The following SMARCA2 variants were observed in gnomAD, a reference collection of about 807,000 sequenced individuals.
The protein encoded by SMARCA2 is SWI/SNF-related matrix-associated actin-dependent regulator of chromatin subfamily A member 2.
SMARCA2 carries 61 observed loss-of-function variants against 199.8 expected under a neutral mutation model. The observed-to-expected ratio is 0.31, with a 90% confidence interval of 0.25 to 0.38. The LOEUF (loss-of-function observed/expected upper bound fraction) is 0.38. Among genes scored for constraint, SMARCA2 ranks in the 10% least tolerant of loss-of-function variants. The probability of loss-of-function intolerance (pLI) is 1.00; values close to 1 mark genes in which losing one functional copy is unlikely to be tolerated. For synonymous variants in SMARCA2, 935 were observed against 732.0 expected (o/e 1.28, Z -4.48); for missense variants, 1,344 against 2,012.2 (o/e 0.67, Z 6.35).
At chr9:2,026,758 G>A (rs911383402) in intron 1 of SMARCA2, among the ~76,000 whole-genome samples, 2 of 152,188 alleles carry the variant, frequency 1.3e-5, no homozygotes, top group African/African-American at 4.8e-5. Flanking sequence ...ACATGAAAGA[G>A]CATTGTATCT....
intron 7 of SMARCA2, among the ~76,000 whole-genome samples, chr9:2,057,627 T>C (rs1161851523): frequency 6.6e-6 from 1 of 152,234 alleles, no homozygotes; most frequent in African/African-American, 2.4e-5. Flanking sequence ...TAGTTGAATG[T>C]TTCACAGAGG....
At chr9:2,184,041 T>G (rs914672335) in intron 31 of SMARCA2, among the ~76,000 whole-genome samples, 1 of 152,162 alleles carries the variant, frequency 6.6e-6, no homozygotes. Flanking sequence ...CTAGCCACCT[T>G]CCTATCCTGT....
chr9:2,029,974 C>T (rs1818990516), intron 2 of SMARCA2, among the ~76,000 whole-genome samples: 1 of 152,340 alleles, frequency 6.6e-6, no homozygotes, highest in South Asian at 2.1e-4. Context: ...AGAAAGTAAA[C>T]AAGATCCTCT....
In SMARCA2 at chr9:2,097,371, CCACTGG is replaced by C. The variant is rs1563766144; in HGVS notation, c.2992-13_2992-8del. On this transcript the variant is annotated splice_region_variant and splice_polypyrimidine_tract_variant and intron_variant, in intron 20 of 33. Coordinates refer to ENST00000349721, the MANE Select transcript of SMARCA2 (RefSeq NM_003070.5). ...AATAATTAATTCTATTTTTCCCTTTCCACTGGTTCTTAGGGGAAAGGAGGTGCTAAG... is the reference window on the plus strand; with the variant it reads ...AATAATTAATTCTATTTTTCCCTTTCTTCTTAGGGGAAAGGAGGTGCTAAG... The C allele has an allele frequency of 6.5e-7, 1 of 1,548,968 alleles. No individual in the cohort carries two copies. The highest frequency in any genetic ancestry group is 2.2e-5 in the East Asian group (1 of 44,536).
At chr9:2,159,635 T>C (rs1825561760) in intron 27 of SMARCA2, 3 of 634,490 alleles carry the variant, frequency 4.7e-6, no homozygotes, top group Admixed American at 3.2e-5. Flanking sequence ...AAAAATATGA[T>C]AAGTAGTTGT....
At position 2,081,952 on chromosome 9, in the gene SMARCA2, C is replaced by T; in HGVS notation, c.2305C>T (p.His769Tyr). The T allele has an allele frequency of 1.9e-6, 3 of 1,613,806 alleles. No homozygotes were observed. The highest frequency in any genetic ancestry group is 2.5e-6 in the Non-Finnish European group (3 of 1,179,768). ...TIALITYLME[H>Y]KRLNGPYLII... ...TGCACTCATCACTTATCTGATGGAG[C>T]ACAAAAGACTCAATGGCCCCTATCT... The change falls in exon 15 of 34, where the codon CAC becomes TAC. Residue 769 changes from histidine (H) to tyrosine (Y), a missense_variant. By Grantham distance (83) the His-to-Tyr change is moderately conservative. Coordinates refer to ENST00000349721, the MANE Select transcript of SMARCA2 (RefSeq NM_003070.5).
At chr9:2,143,578 G>C (rs1382822441) in intron 27 of SMARCA2, among the ~76,000 whole-genome samples, 2 of 152,170 alleles carry the variant, frequency 1.3e-5, no homozygotes, top group Non-Finnish European at 2.9e-5. Context: ...GGAGACCAGG[G>C]GGAAAAGATT....
chr9:2,033,986 C>T (rs1412626550), intron 3 of SMARCA2, among the ~76,000 whole-genome samples: 2 of 152,116 alleles, frequency 1.3e-5, no homozygotes, highest in African/African-American at 4.8e-5. Context: ...GTGGCTGAAG[C>T]CTGTAATCCC....
Position 2,060,997 on chromosome 9 carries a change from T to C in SMARCA2, c.1692+11T>C, listed in dbSNP as rs377623540. ...AGGAGGAGGAAGAAGGTGCGTATCC[T>C]AGTGGTGGTGGCTGAGTCCAGGGTG... On this transcript the variant is annotated intron_variant, in intron 9 of 33. Coordinates refer to ENST00000349721, the MANE Select transcript of SMARCA2 (RefSeq NM_003070.5). 1 of 1,611,744 alleles carries C rather than the reference T, an allele frequency of 6.2e-7. No homozygotes were observed. The highest frequency in any genetic ancestry group is 1.3e-5 in the African/African-American group (1 of 74,874).
At chr9:2,172,681 G>A (rs938562299) in intron 29 of SMARCA2, among the ~76,000 whole-genome samples, 1 of 152,082 alleles carries the variant, frequency 6.6e-6, no homozygotes, top group Non-Finnish European at 1.5e-5. Flanking sequence ...AGGGCAACCT[G>A]TAGTCATCGC....
intron 5 of SMARCA2, chr9:2,048,002 A>G (rs1326038660): frequency 6.6e-6 from 1 of 152,226 alleles, no homozygotes; most frequent in African/African-American, 2.4e-5. Flanking sequence ...CATTTAGCAG[A>G]ATCAGGGGTT....
chr9:2,117,907 C>G (rs983527079), intron 25 of SMARCA2, among the ~76,000 whole-genome samples: 4 of 152,170 alleles, frequency 2.6e-5, no homozygotes, highest in African/African-American at 9.7e-5. Flanking sequence ...AGACTGCAGT[C>G]AAAGACTCTG....
At chr9:2,186,291 C>G in intron 32 of SMARCA2, 63 bp downstream of exon 32, 1 of 1,506,408 alleles carries the variant, frequency 6.6e-7, no homozygotes, top group Non-Finnish European at 9.0e-7. Context: ...GCTGTCTCCA[C>G]AGATGTTCAC....
At chr9:2,058,078 C>T (rs1820433111) in intron 7 of SMARCA2, 1 of 474,288 alleles carries the variant, frequency 2.1e-6, no homozygotes, top group Admixed American at 3.6e-5. Flanking sequence ...CTAAAGCTTA[C>T]AACAAAAGGA....
At chr9:2,190,408 C>T (rs560359501) in intron 32 of SMARCA2, among the ~76,000 whole-genome samples, 34 of 152,230 alleles carry the variant, frequency 2.2e-4, no homozygotes, top group Admixed American at 4.6e-4. Flanking sequence ...GTATACCATA[C>T]GATGGAAAAT....
At position 2,161,255 on chromosome 9, in the gene SMARCA2, G is replaced by C. The variant is rs116498794; in HGVS notation, c.3982-431G>C. Reference sequence around the variant, plus strand: ...AAGGTCAAAGCTTATATGATCGTGTGGATGTATTCTTAGGGATTGTTTTTT... The same window carrying C: ...AAGGTCAAAGCTTATATGATCGTGTCGATGTATTCTTAGGGATTGTTTTTT... On this transcript the variant is annotated intron_variant, in intron 27 of 33. Coordinates refer to ENST00000349721, the MANE Select transcript of SMARCA2 (RefSeq NM_003070.5). This position sits in a 1 kb window ranked among gnomAD's most constrained non-coding sequence, Gnocchi z 4.7. Among the ~76,000 whole-genome samples the C allele has an allele frequency of 6.6e-6, 1 of 152,076 alleles. No individual in the cohort carries two copies. The highest frequency in any genetic ancestry group is 1.5e-5 in the Non-Finnish European group (1 of 68,030).
At chr9:2,188,178 C>T (rs1209031135) in intron 32 of SMARCA2, among the ~76,000 whole-genome samples, 1 of 151,982 alleles carries the variant, frequency 6.6e-6, no homozygotes, top group Non-Finnish European at 1.5e-5. Context: ...TCTACAGCAA[C>T]ATATATTAAT....
chr9:2,051,579 T>G (rs1224426511), intron 5 of SMARCA2, among the ~76,000 whole-genome samples: 1 of 152,232 alleles, frequency 6.6e-6, no homozygotes, highest in Non-Finnish European at 1.5e-5. Flanking sequence ...GTTCCATGGT[T>G]GTTTGGAAGA....
chr9:2,033,517 G>A (rs1586628365), intron 3 of SMARCA2, among the ~76,000 whole-genome samples: 1 of 151,942 alleles, frequency 6.6e-6, no homozygotes, highest in African/African-American at 2.4e-5. Context: ...TGAAGGTAAG[G>A]TGAACCACCT....
Sources: gnomAD v4.1 joint callset for allele counts (sites outside exome capture counted in the v4.1 genomes callset) on GRCh38, gnomAD v4.1.1 for gene constraint, Gnocchi (gnomAD v3.1) non-coding constraint, MANE v1.5 for transcripts, NCBI Gene and HGNC (gene_info 2026-07-23, HGNC 2026-07-21) for gene names.